The following GSDME variants were observed in gnomAD, a reference collection of about 807,000 sequenced individuals.
The protein encoded by GSDME is gasdermin E, also known as gasdermin-E.
GSDME carries 44 observed loss-of-function variants against 47.5 expected under a neutral mutation model. That is an observed-to-expected ratio of 0.93 (90% CI 0.73 to 1.19). The LOEUF (loss-of-function observed/expected upper bound fraction) is 1.19, where lower values mean the gene tolerates loss of function less well. Among genes scored for constraint, GSDME ranks in the 50% most tolerant of loss-of-function variants. The pLI is 0.00. For missense variants in GSDME, 663 were observed against 604.2 expected, an observed-to-expected ratio of 1.10 and a Z score of -1.02; for synonymous variants, 258 against 252.8, an observed-to-expected ratio of 1.02 and a Z score of -0.20.
chr7:24,791,489 A>G, the GSDME span, among the ~76,000 whole-genome samples: 2 of 152,210 alleles, frequency 1.3e-5, no homozygotes, highest in African/African-American at 4.8e-5. This position sits in a 1 kb window ranked among gnomAD's most constrained non-coding sequence, Gnocchi z 4.8. Flanking sequence ...GCAAGGGCTG[A>G]CAGATGCAAG....
intron 7 of GSDME, chr7:24,707,442 T>C (rs1485342310): frequency 4.2e-6 from 2 of 471,430 alleles, no homozygotes; most frequent in Admixed American, 2.4e-5. Context: ...AACACAACAG[T>C]GCAAAAGCCT....
rs767755008 is a variant in GSDME at position 24,749,595 on chromosome 7, A to G, written c.180T>C (p.Asp60=). ...TCGGAAATTGGTCTTCTATGAGTAC[A>G]TCGCCAAGGGTGAGGGATAAAAACT... ...KYQFLSLTLG[D]VLIEDQFPSP... Residue 60 remains aspartate (D), a synonymous_variant, in exon 2 of 10, where the codon GAT becomes GAC. Coordinates refer to ENST00000645220, the MANE Select transcript of GSDME (RefSeq NM_001127453.2). The G allele has an allele frequency of 1.9e-6, 3 of 1,613,984 alleles. No homozygotes were observed. The highest frequency in any genetic ancestry group is 2.5e-6 in the Non-Finnish European group (3 of 1,180,012).
Position 24,719,609 on chromosome 7 carries a change from A to G in GSDME, c.405-391T>C, listed in dbSNP as rs145164063. Among the ~76,000 whole-genome samples the G allele has an allele frequency of 8.5e-3, 1,299 of 151,970 alleles. 15 individuals carry two copies. Among genetic ancestry groups the G allele is most frequent in the African/African-American group, 0.029 (1,210 of 41,448 alleles). On this transcript the variant is annotated intron_variant, in intron 3 of 9. Transcript: ENST00000645220. ...AGAGTTCGAGACCAGCCTGGCCAACATGGTGAAACCCTGTCTCCACCAAAA... is the reference window on the plus strand; with the variant it reads ...AGAGTTCGAGACCAGCCTGGCCAACGTGGTGAAACCCTGTCTCCACCAAAA...
At chr7:24,767,140 G>A in the GSDME span, among the ~76,000 whole-genome samples, 17 of 152,246 alleles carry the variant, frequency 1.1e-4, no homozygotes, top group Non-Finnish European at 2.2e-4. The surrounding 1 kb of genome is among the most constrained non-coding windows in gnomAD (Gnocchi z 5.3). Flanking sequence ...CCTGACCAAC[G>A]TTGTGAAACC....
the GSDME span, among the ~76,000 whole-genome samples, chr7:24,770,597 T>C: frequency 6.6e-6 from 1 of 152,132 alleles, no homozygotes; most frequent in Non-Finnish European, 1.5e-5. This position sits in a 1 kb window ranked among gnomAD's most constrained non-coding sequence, Gnocchi z 4.6. Context: ...GATTGAATTG[T>C]TGAACGCCCA....
At chr7:24,769,253 C>G in the GSDME span, among the ~76,000 whole-genome samples, 1 of 152,180 alleles carries the variant, frequency 6.6e-6, no homozygotes, top group South Asian at 2.1e-4. Flanking sequence ...AAACCCTGAA[C>G]TGTAACTGAT....
At chr7:24,774,071 G>A in the GSDME span, among the ~76,000 whole-genome samples, 11 of 152,240 alleles carry the variant, frequency 7.2e-5, no homozygotes, top group African/African-American at 2.6e-4. Flanking sequence ...TCCTGTATCA[G>A]TACAGTCTGA....
rs1368095339 is a variant in GSDME, at chr7:24,739,898, G to C, written c.404+4664C>G. On this transcript the variant is annotated intron_variant, in intron 3 of 9. Coordinates refer to ENST00000645220, the MANE Select transcript of GSDME (RefSeq NM_001127453.2). This position sits in a 1 kb window ranked among gnomAD's most constrained non-coding sequence, Gnocchi z 5.1. ...TCACGAGGTCAGGAGTTCAAGACCA[G>C]CCTGGCCAATATGGTGAAACCCCAT... is the stretch of plus-strand genomic sequence containing the variant. Among the ~76,000 whole-genome samples the C allele has an allele frequency of 6.6e-6, 1 of 152,042 alleles. No homozygotes were observed.
At chr7:24,730,186 G>A (rs932058492) in intron 3 of GSDME, among the ~76,000 whole-genome samples, 1 of 152,138 alleles carries the variant, frequency 6.6e-6, no homozygotes, top group East Asian at 1.9e-4. Flanking sequence ...CAGCCCAAGT[G>A]GAACAAACAT....
the GSDME span, among the ~76,000 whole-genome samples, chr7:24,781,266 C>T: frequency 1.3e-5 from 2 of 152,148 alleles, no homozygotes; most frequent in African/African-American, 2.4e-5. Flanking sequence ...TAAGGGGAAG[C>T]AGATGTGGGA....
Position 24,742,409 on chromosome 7 carries a change from G to A in GSDME, c.404+2153C>T, listed in dbSNP as rs2128062231. On this transcript the variant is annotated intron_variant, in intron 3 of 9. Coordinates refer to ENST00000645220, the MANE Select transcript of GSDME (RefSeq NM_001127453.2). The surrounding 1 kb of genome is among the most constrained non-coding windows in gnomAD (Gnocchi z 4.4). ...GATGGCTGTGCAGAGTTAAGGAGAG[G>A]CTACATATAAAGTGCCTGGCACACA... Among the ~76,000 whole-genome samples, 1 of 152,228 alleles carries A rather than the reference G, an allele frequency of 6.6e-6. No homozygotes were observed. Among genetic ancestry groups the A allele is most frequent in the East Asian group, 1.9e-4 (1 of 5,174 alleles).
chr7:24,779,615 A>G, the GSDME span, among the ~76,000 whole-genome samples: 3 of 152,174 alleles, frequency 2.0e-5, no homozygotes, highest in African/African-American at 4.8e-5. This position sits in a 1 kb window ranked among gnomAD's most constrained non-coding sequence, Gnocchi z 6.0. Context: ...TAACCAGAAA[A>G]GACATACATC....
chr7:24,724,625 CAG>C lies in GSDME; in HGVS notation c.405-5409_405-5408del, dbSNP rs1237242226. The C allele has an allele frequency of 4.6e-5, 7 of 152,340 alleles. No homozygotes were observed. The highest frequency in any genetic ancestry group is 3.3e-4 in the Admixed American group (5 of 15,288). The allele number at this position is 152,340 out of a possible 1,614,324, so 9.4% of individuals were successfully genotyped here. ...TCGAGAAGAACTCCCTCTCCTCACT[CAG>C]GGGCTTGGCTCAACTCCGCCCACCC... is the stretch of plus-strand genomic sequence containing the variant. On this transcript the variant is annotated intron_variant, in intron 3 of 9. Coordinates refer to ENST00000645220, the MANE Select transcript of GSDME (RefSeq NM_001127453.2). This position sits in a 1 kb window ranked among gnomAD's most constrained non-coding sequence, Gnocchi z 4.8.
rs143141111 is a variant in GSDME at position 24,726,630 on chromosome 7, T to G, written c.405-7412A>C. ...CGAGGTCAGGAGATCGAGACCATCC[T>G]GGTTAATATGGTGAAACCCCGTCTC... On this transcript the variant is annotated intron_variant, in intron 3 of 9. Transcript: ENST00000645220. The surrounding 1 kb of genome is among the most constrained non-coding windows in gnomAD (Gnocchi z 5.6). 8.8e-3 allele frequency among the ~76,000 whole-genome samples: 1,342 copies of G among 152,264 alleles called. 14 individuals are homozygous for G. Among genetic ancestry groups the G allele is most frequent in the African/African-American group, 0.03 (1,262 of 41,540 alleles).
intron 9 of GSDME, among the ~76,000 whole-genome samples, chr7:24,700,826 G>C (rs924266987): frequency 6.6e-6 from 1 of 152,188 alleles, no homozygotes; most frequent in Non-Finnish European, 1.5e-5. Context: ...GCAGGCTGGA[G>C]ACTGTCAACA....
chr7:24,773,476 T>A, the GSDME span, among the ~76,000 whole-genome samples: 1 of 152,256 alleles, frequency 6.6e-6, no homozygotes, highest in Admixed American at 6.5e-5. This position sits in a 1 kb window ranked among gnomAD's most constrained non-coding sequence, Gnocchi z 5.4. Context: ...TATTCCTATT[T>A]GATGGCAATT....
rs755791157 is a variant in GSDME, at chr7:24,725,436, G to A, written c.405-6218C>T. Among the ~76,000 whole-genome samples the A allele has an allele frequency of 1.1e-4, 17 of 152,084 alleles. No individual in the cohort carries two copies. The highest frequency in any genetic ancestry group is 1.7e-4 in the African/African-American group (7 of 41,406). ...TCAGCCAGGTGTAGGAGGACGAGCC[G>A]CAGACAAAACTCCTCAGATACCAAG... On this transcript the variant is annotated intron_variant, in intron 3 of 9. Coordinates refer to ENST00000645220, the MANE Select transcript of GSDME (RefSeq NM_001127453.2). This position sits in a 1 kb window ranked among gnomAD's most constrained non-coding sequence, Gnocchi z 5.1.
At position 24,756,624 on chromosome 7, in the gene GSDME, A is replaced by C. The variant is rs932770074; in HGVS notation, c.-20+772T>G. ...CATCCCTTTCATTATCCCATTCACT[A>C]TTCTGGACAGAGTAGACTCTGGAGG... On this transcript the variant is annotated intron_variant, in intron 1 of 9. Coordinates refer to ENST00000645220, the MANE Select transcript of GSDME (RefSeq NM_001127453.2). This position sits in a 1 kb window ranked among gnomAD's most constrained non-coding sequence, Gnocchi z 4.2. 1.3e-5 allele frequency among the ~76,000 whole-genome samples: 2 copies of C among 152,042 alleles called. No homozygotes were observed. Among genetic ancestry groups the C allele is most frequent in the Admixed American group, 6.6e-5 (1 of 15,254 alleles).
chr7:24,794,640 A>T, the GSDME span, among the ~76,000 whole-genome samples: 1 of 152,102 alleles, frequency 6.6e-6, no homozygotes, highest in Admixed American at 6.6e-5. Context: ...CCGCCAATCT[A>T]TCTCACACAG....
Sources: allele counts gnomAD v4.1 joint callset (sites outside exome capture counted in the v4.1 genomes callset), GRCh38; gene constraint gnomAD v4.1.1; non-coding constraint Gnocchi (gnomAD v3.1); transcripts MANE v1.5; gene names NCBI Gene and HGNC (gene_info 2026-07-23, HGNC 2026-07-21).